Variants in NLGN1 observed in about 807,000 individuals in gnomAD.
NLGN1 encodes neuroligin-1.
NLGN1 carries 12 observed loss-of-function variants against 65.5 expected under a neutral mutation model. That is an observed-to-expected ratio of 0.18 (90% CI 0.12 to 0.30). NLGN1 has a LOEUF of 0.30. Among genes scored for constraint, NLGN1 ranks in the 10% least tolerant of loss-of-function variants. NLGN1 has a pLI of 1.00. For synonymous variants in NLGN1, 350 were observed against 359.5 expected, an observed-to-expected ratio of 0.97 and a Z score of 0.30; for missense variants, 750 against 1,007.1, an observed-to-expected ratio of 0.74 and a Z score of 3.46.
intron 4 of NLGN1, among the ~76,000 whole-genome samples, chr3:173,876,933 T>C: frequency 6.6e-6 from 1 of 151,604 alleles, no homozygotes; most frequent in South Asian, 2.1e-4. Context: ...ATGAGGGAAA[T>C]AGAAAATCAG....
intron 4 of NLGN1, among the ~76,000 whole-genome samples, chr3:174,182,235 A>T (rs1730581515): frequency 6.6e-6 from 1 of 152,098 alleles, no homozygotes; most frequent in Non-Finnish European, 1.5e-5. Flanking sequence ...CTTGGACAAT[A>T]TTGCAATAAC....
intron 3 of NLGN1, among the ~76,000 whole-genome samples, chr3:173,664,745 G>A (rs17180603): frequency 0.11 from 16,902 of 152,148 alleles, 987 homozygotes; most frequent in Middle Eastern, 0.27. Context: ...TGAGATTACT[G>A]AGTCGCAGAG....
intron 4 of NLGN1, among the ~76,000 whole-genome samples, chr3:173,915,294 C>T (rs1407414327): frequency 1.3e-5 from 2 of 152,204 alleles, no homozygotes; most frequent in African/African-American, 4.8e-5. Context: ...TTATGACCTA[C>T]ATCTCATGAG....
intron 4 of NLGN1, among the ~76,000 whole-genome samples, chr3:173,822,094 C>T (rs1720432730): frequency 6.6e-6 from 1 of 152,130 alleles, no homozygotes; most frequent in Non-Finnish European, 1.5e-5. Flanking sequence ...AGGCACTAAG[C>T]TCTGCAAAAG....
intron 4 of NLGN1, among the ~76,000 whole-genome samples, chr3:173,986,732 C>A (rs1245182527): frequency 6.6e-6 from 1 of 152,190 alleles, no homozygotes; most frequent in Non-Finnish European, 1.5e-5. Context: ...ATGCTGGAAT[C>A]AAGTCTCTGG....
At chr3:174,038,073 G>C (rs1055111046) in intron 4 of NLGN1, among the ~76,000 whole-genome samples, 2 of 152,090 alleles carry the variant, frequency 1.3e-5, no homozygotes, top group African/African-American at 4.8e-5. Context: ...ATGTTATGAG[G>C]CATGAAGCCT....
At position 173,755,892 on chromosome 3, in the gene NLGN1, T is replaced by G. The variant is rs1210605724; in HGVS notation, c.494-51788T>G. On this transcript the variant is annotated intron_variant, in intron 3 of 6. Transcript: ENST00000457714. ...ATATTTCTACTGACTTATACTTTAA[T>G]TAAAATGCTGCTTCTATAACTAATG... Among the ~76,000 whole-genome samples, 16 of 152,138 alleles carry G rather than the reference T, an allele frequency of 1.1e-4. 1 individual carries two copies. Among genetic ancestry groups the G allele is most frequent in the Admixed American group, 1.0e-3 (16 of 15,254 alleles).
At chr3:173,649,932 A>G (rs369473533) in intron 3 of NLGN1, among the ~76,000 whole-genome samples, 1 of 152,086 alleles carries the variant, frequency 6.6e-6, no homozygotes, top group African/African-American at 2.4e-5. Context: ...TATTTCTCCC[A>G]TAATAATCTT....
At chr3:173,742,126 C>T (rs1482094394) in intron 3 of NLGN1, among the ~76,000 whole-genome samples, 1 of 152,088 alleles carries the variant, frequency 6.6e-6, no homozygotes, top group Non-Finnish European at 1.5e-5. Context: ...CATTCTTCTC[C>T]TTCTCTCCAA....
intron 4 of NLGN1, among the ~76,000 whole-genome samples, chr3:174,107,017 C>CACACACAG (rs773314392): frequency 2.0e-5 from 2 of 97,644 alleles, no homozygotes; most frequent in Non-Finnish European, 2.0e-5. Flanking sequence ...CACACACACA[C>CACACACAG]AGAGAGAGAG....
intron 2 of NLGN1, among the ~76,000 whole-genome samples, chr3:173,559,083 T>C (rs1742209005): frequency 1.3e-5 from 2 of 152,330 alleles, no homozygotes; most frequent in East Asian, 1.9e-4. Flanking sequence ...TTTTTGATCT[T>C]AGTTTGGACT....
chr3:173,471,447 C>T (rs772254634), intron 2 of NLGN1, among the ~76,000 whole-genome samples: 2 of 152,050 alleles, frequency 1.3e-5, no homozygotes, highest in African/African-American at 2.4e-5. Context: ...TCTCTGCCTT[C>T]GTGTTCACAT....
chr3:174,164,870 T>C (rs1029764191), intron 4 of NLGN1, among the ~76,000 whole-genome samples: 5 of 152,010 alleles, frequency 3.3e-5, no homozygotes, highest in African/African-American at 4.8e-5. Context: ...TAAAATGACA[T>C]TGGCAGTTTG....
At chr3:173,815,309 G>A (rs896064990) in intron 4 of NLGN1, among the ~76,000 whole-genome samples, 2 of 151,924 alleles carry the variant, frequency 1.3e-5, no homozygotes, top group South Asian at 2.1e-4. Context: ...GGGCTTCACC[G>A]TGTTAGCAAG....
intron 2 of NLGN1, among the ~76,000 whole-genome samples, chr3:173,596,078 G>A (rs1424177137): frequency 1.3e-5 from 2 of 151,956 alleles, no homozygotes; most frequent in Non-Finnish European, 2.9e-5. Context: ...CATGTACTCA[G>A]GTGTTACTCC....
At chr3:174,137,278 C>T (rs190039338) in intron 4 of NLGN1, among the ~76,000 whole-genome samples, 2 of 152,126 alleles carry the variant, frequency 1.3e-5, no homozygotes, top group East Asian at 3.9e-4. Context: ...TGGAATATAC[C>T]AGCAAGCAAA....
At chr3:174,148,141 T>G (rs1197330737) in intron 4 of NLGN1, among the ~76,000 whole-genome samples, 1 of 152,166 alleles carries the variant, frequency 6.6e-6, no homozygotes, top group African/African-American at 2.4e-5. Context: ...GTTCTCCAAT[T>G]TGATTAAGGA....
At chr3:173,636,171 G>A (rs1756554339) in intron 3 of NLGN1, among the ~76,000 whole-genome samples, 1 of 152,060 alleles carries the variant, frequency 6.6e-6, no homozygotes, top group African/African-American at 2.4e-5. Flanking sequence ...TGGCGAAAGA[G>A]GAAACATGCC....
chr3:173,809,355 G>C (rs1717389172), intron 4 of NLGN1, among the ~76,000 whole-genome samples: 1 of 152,098 alleles, frequency 6.6e-6, no homozygotes, highest in Non-Finnish European at 1.5e-5. Context: ...ATTGGAAGGA[G>C]GGTTTTTAAT....
Sources: allele counts gnomAD v4.1 joint callset (sites outside exome capture counted in the v4.1 genomes callset), GRCh38; gene constraint gnomAD v4.1.1; transcripts MANE v1.5; gene names NCBI Gene and HGNC (gene_info 2026-07-23, HGNC 2026-07-21).